LDLRAD4: variants seen among roughly 807,000 people sequenced by gnomAD.
LDLRAD4 encodes low-density lipoprotein receptor class A domain-containing protein 4.
Under a neutral mutation model 17.0 loss-of-function variants are expected in LDLRAD4, and 5 were observed. That is an observed-to-expected ratio of 0.29 (90% CI 0.15 to 0.62). The LOEUF is 0.62. Ranked by LOEUF, LDLRAD4 falls within the 20% of genes least tolerant of loss-of-function variation. LDLRAD4 has a pLI of 0.84. For synonymous variants in LDLRAD4, 168 were observed against 171.8 expected (o/e 0.98, Z 0.17); for missense variants, 340 against 424.7 (o/e 0.80, Z 1.75).
intron 1 of LDLRAD4, among the ~76,000 whole-genome samples, chr18:13,379,364 A>G (rs138952711): frequency 2.0e-5 from 3 of 152,338 alleles, no homozygotes; most frequent in Middle Eastern, 3.4e-3. Flanking sequence ...CATAGATTGA[A>G]AAGGAGGTGA....
chr18:13,626,366 T>G (rs1196033975), intron 4 of LDLRAD4, among the ~76,000 whole-genome samples: 2 of 152,176 alleles, frequency 1.3e-5, no homozygotes, highest in African/African-American at 4.8e-5. Context: ...CATTTCTTGC[T>G]GGAGCTGAGG....
chr18:13,243,747 C>T lies in LDLRAD4; in HGVS notation c.-467+24759C>T, dbSNP rs554318254. On this transcript the variant is annotated intron_variant, in intron 1 of 5. Transcript: ENST00000399848. Reference sequence around the variant, plus strand: ...CCACCCAGCGACCCACCCATGCACCCGCACATCCATCCATCAATTTACCCA... The same window carrying T: ...CCACCCAGCGACCCACCCATGCACCTGCACATCCATCCATCAATTTACCCA... 4.3e-4 allele frequency among the ~76,000 whole-genome samples: 65 copies of T among 151,396 alleles called. 1 individual carries two copies. In the South Asian group the frequency reaches 0.012, roughly 28 times the overall value.
chr18:13,543,203 A>G (rs1251299920), intron 3 of LDLRAD4: 1 of 152,236 alleles, frequency 6.6e-6, no homozygotes, highest in Non-Finnish European at 1.5e-5. Flanking sequence ...ACAAATGAGC[A>G]GTCAGCTTTT....
intron 2 of LDLRAD4, 141 bp from the exon 4 acceptor site, chr18:13,438,103 A>C: frequency 1.4e-6 from 1 of 734,686 alleles, no homozygotes; most frequent in African/African-American, 1.8e-5. Flanking sequence ...CTCTGAGTTT[A>C]GTGTCCTGGG....
chr18:13,645,049 A>AACT lies in LDLRAD4; in HGVS notation c.391-77_391-75dup, dbSNP rs748968105. On this transcript the variant is annotated intron_variant, in intron 5 of 5. Coordinates refer to ENST00000359446, the Ensembl canonical transcript of LDLRAD4. The surrounding 1 kb of genome is among the most constrained non-coding windows in gnomAD (Gnocchi z 5.7). ...ACTGGTAGGAACACACACCAAGCGTAACTTTCCTTGATTCTGACACATTTA... is the reference window on the plus strand; with the variant it reads ...ACTGGTAGGAACACACACCAAGCGTAACTACTTTCCTTGATTCTGACACATTTA... 1.7e-5 allele frequency: 21 copies of AACT among 1,243,772 alleles called. No individual in the cohort carries two copies. The highest frequency in any genetic ancestry group is 9.4e-5 in the East Asian group (4 of 42,664). 77.0% of individuals were successfully genotyped at this position (1,243,772 alleles called of 1,614,324 possible).
intron 3 of LDLRAD4, among the ~76,000 whole-genome samples, chr18:13,473,080 G>T (rs539669269): frequency 3.1e-5 from 3 of 97,960 alleles, no homozygotes; most frequent in Non-Finnish European, 6.1e-5. Context: ...CCCCGCCCCC[G>T]CCTGCCAGCA....
chr18:13,325,901 C>T (rs1034227800), intron 1 of LDLRAD4, among the ~76,000 whole-genome samples: 44 of 152,108 alleles, frequency 2.9e-4, no homozygotes, highest in Admixed American at 1.1e-3. Context: ...TACAGGTGCC[C>T]GCCACCGTGC....
At chr18:13,286,318 A>G (rs2045619627) in intron 1 of LDLRAD4, among the ~76,000 whole-genome samples, 1 of 152,270 alleles carries the variant, frequency 6.6e-6, no homozygotes, top group African/African-American at 2.4e-5. Context: ...GAACAGGAAG[A>G]CGAGAGCTAG....
intron 3 of LDLRAD4, among the ~76,000 whole-genome samples, chr18:13,480,060 G>C (rs138714496): frequency 2.0e-5 from 3 of 152,048 alleles, no homozygotes; most frequent in African/African-American, 7.2e-5. Context: ...TGTGCTCCTC[G>C]GTATTTACAC....
intron 3 of LDLRAD4, among the ~76,000 whole-genome samples, chr18:13,582,678 G>A (rs2094879595): frequency 6.6e-6 from 1 of 152,200 alleles, no homozygotes; most frequent in Non-Finnish European, 1.5e-5. Flanking sequence ...CGCCTCCCAT[G>A]TGGCTCCACT....
rs140673657 is a variant in LDLRAD4 at position 13,617,216 on chromosome 18, G to C, written c.182-3901G>C. Among the ~76,000 whole-genome samples, 215 of 152,136 alleles carry C rather than the reference G, an allele frequency of 1.4e-3. 1 individual carries two copies. Among genetic ancestry groups the C allele is most frequent in the African/African-American group, 5.0e-3 (208 of 41,512 alleles). ...GTCTCCCAAAGTGCTGAGATTCCAG[G>C]CACGCCTGGCCTGGAGTTTAGTTTT... On this transcript the variant is annotated intron_variant, in intron 3 of 5. Coordinates refer to ENST00000359446, the Ensembl canonical transcript of LDLRAD4.
intron 1 of LDLRAD4, among the ~76,000 whole-genome samples, chr18:13,224,345 G>A (rs2041631795): frequency 6.6e-6 from 1 of 152,096 alleles, no homozygotes; most frequent in Non-Finnish European, 1.5e-5. Flanking sequence ...GTGACTGCCC[G>A]GTTCCTGGGA....
At chr18:13,305,127 G>A (rs1374663718) in intron 1 of LDLRAD4, among the ~76,000 whole-genome samples, 1 of 152,014 alleles carries the variant, frequency 6.6e-6, no homozygotes, top group Non-Finnish European at 1.5e-5. Context: ...AGTTAGGCAT[G>A]TCATGAATGC....
chr18:13,540,189 C>CT (rs869063737), intron 3 of LDLRAD4, among the ~76,000 whole-genome samples: 8 of 152,188 alleles, frequency 5.3e-5, no homozygotes, highest in Non-Finnish European at 8.8e-5. Context: ...CTGTGTTTGT[C>CT]TTTTTTAAAA....
At chr18:13,268,616 T>C (rs946112191) in intron 1 of LDLRAD4, among the ~76,000 whole-genome samples, 19 of 152,190 alleles carry the variant, frequency 1.2e-4, no homozygotes, top group Non-Finnish European at 1.8e-4. Flanking sequence ...GCTGCTTTCT[T>C]AAAGGCTAAA....
chr18:13,457,391 G>C (rs190902990), intron 3 of LDLRAD4, among the ~76,000 whole-genome samples: 1 of 152,174 alleles, frequency 6.6e-6, no homozygotes, highest in Non-Finnish European at 1.5e-5. Flanking sequence ...TGCATGTTCC[G>C]CCATCCAGAA....
intron 1 of LDLRAD4, among the ~76,000 whole-genome samples, chr18:13,259,142 A>G (rs2043666447): frequency 1.3e-5 from 2 of 152,144 alleles, no homozygotes; most frequent in Admixed American, 6.5e-5. Flanking sequence ...GGGAATTTGC[A>G]TAGTTTGTGG....
chr18:13,460,137 AG>A (rs1336336772), intron 3 of LDLRAD4: 1 of 153,316 alleles, frequency 6.5e-6, no homozygotes, highest in Non-Finnish European at 1.5e-5. Context: ...TTATAAGAAT[AG>A]GGACATGTTT....
At chr18:13,514,095 A>G (rs1382291604) in intron 3 of LDLRAD4, among the ~76,000 whole-genome samples, 1 of 152,182 alleles carries the variant, frequency 6.6e-6, no homozygotes, top group Non-Finnish European at 1.5e-5. Context: ...ACTTTGTCGT[A>G]TATGTTAACT....
Sources: gnomAD v4.1 joint callset for allele counts (sites outside exome capture counted in the v4.1 genomes callset) on GRCh38, gnomAD v4.1.1 for gene constraint, Gnocchi (gnomAD v3.1) non-coding constraint, MANE v1.5 for transcripts, NCBI Gene and HGNC (gene_info 2026-07-23, HGNC 2026-07-21) for gene names.